Variants in PLCZ1 observed in about 807,000 individuals in gnomAD.
The protein encoded by PLCZ1 is 1-phosphatidylinositol 4,5-bisphosphate phosphodiesterase zeta-1.
In PLCZ1, 64 loss-of-function variants were observed where a neutral mutation model predicts 76.8. That is an observed-to-expected ratio of 0.83 (90% CI 0.68 to 1.03). The LOEUF (loss-of-function observed/expected upper bound fraction) is 1.03, where lower values mean the gene tolerates loss of function less well. Ranked by LOEUF, PLCZ1 falls within the 50% of genes least tolerant of loss-of-function variation. The pLI is 0.00. For synonymous variants in PLCZ1, 248 were observed against 230.8 expected (o/e 1.07, Z -0.68); for missense variants, 751 against 713.7 (o/e 1.05, Z -0.60).
chr12:18,693,695 CG>C (rs1954498383), intron 12 of PLCZ1: 2 of 1,565,380 alleles, frequency 1.3e-6, no homozygotes, highest in Admixed American at 3.3e-5. Context: ...AGAAATTCAG[CG>C]AACAACGTTG....
At chr12:18,700,690 ATCAAG>A (rs1955777479) in intron 9 of PLCZ1, among the ~76,000 whole-genome samples, 1 of 152,098 alleles carries the variant, frequency 6.6e-6, no homozygotes, top group Admixed American at 6.6e-5. Context: ...GAGACACTAT[ATCAAG>A]TCATTTTTTA....
intron 13 of PLCZ1, chr12:18,685,765 C>G (rs1953017702): frequency 2.5e-6 from 1 of 392,714 alleles, no homozygotes; most frequent in Middle Eastern, 3.8e-4. Context: ...TCTTCTTCCT[C>G]CAATCCTACT....
At chr12:18,664,464 A>G in the PLCZ1 span, among the ~76,000 whole-genome samples, 1 of 152,202 alleles carries the variant, frequency 6.6e-6, no homozygotes, top group East Asian at 1.9e-4. Flanking sequence ...TATGGCATAT[A>G]CTACAGCATG....
intron 13 of PLCZ1, among the ~76,000 whole-genome samples, chr12:18,684,549 A>G (rs1363128859): frequency 6.6e-6 from 1 of 152,060 alleles, no homozygotes; most frequent in Non-Finnish European, 1.5e-5. Context: ...AAACTGAGCC[A>G]CAAAGATGTT....
At chr12:18,659,858 G>T in the PLCZ1 span, among the ~76,000 whole-genome samples, 3 of 152,082 alleles carry the variant, frequency 2.0e-5, no homozygotes, top group South Asian at 6.2e-4. Context: ...AACTGAGACA[G>T]TTAACTGCTA....
chr12:18,659,544 G>A, the PLCZ1 span, among the ~76,000 whole-genome samples: 9 of 151,778 alleles, frequency 5.9e-5, no homozygotes, highest in African/African-American at 1.9e-4. Context: ...CTTCCTTCAA[G>A]TTTTATCAAT....
chr12:18,665,299 G>A, the PLCZ1 span, among the ~76,000 whole-genome samples: 2 of 152,186 alleles, frequency 1.3e-5, no homozygotes, highest in Middle Eastern at 6.8e-3. Flanking sequence ...GAGTTCTGGA[G>A]ATGGATATTA....
chr12:18,659,625 C>T, the PLCZ1 span, among the ~76,000 whole-genome samples: 2 of 150,876 alleles, frequency 1.3e-5, no homozygotes, highest in Non-Finnish European at 2.9e-5. Context: ...ACGTGTCAGG[C>T]CTCTTAAGTC....
At chr12:18,694,380 C>G (rs934037629) in intron 12 of PLCZ1, among the ~76,000 whole-genome samples, 4 of 152,068 alleles carry the variant, frequency 2.6e-5, no homozygotes, top group African/African-American at 9.7e-5. Context: ...AAAGTTGACA[C>G]AAATTAACAG....
chr12:18,733,775 T>C (rs945840285), intron 3 of PLCZ1, among the ~76,000 whole-genome samples: 1 of 152,146 alleles, frequency 6.6e-6, no homozygotes, highest in Non-Finnish European at 1.5e-5. Flanking sequence ...GTTGACTATA[T>C]ATGAAGGGGT....
chr12:18,715,363 TAATTA>T (rs1375835891), intron 5 of PLCZ1, among the ~76,000 whole-genome samples: 1 of 151,934 alleles, frequency 6.6e-6, no homozygotes, highest in Non-Finnish European at 1.5e-5. Context: ...TTATTAAGAA[TAATTA>T]AATTCTTAAT....
At chr12:18,655,697 C>G in the PLCZ1 span, among the ~76,000 whole-genome samples, 14 of 151,624 alleles carry the variant, frequency 9.2e-5, no homozygotes, top group South Asian at 2.9e-3. Flanking sequence ...ATGAAAGTGG[C>G]ACTTTACCTC....
At chr12:18,664,645 T>C in the PLCZ1 span, among the ~76,000 whole-genome samples, 53 of 152,018 alleles carry the variant, frequency 3.5e-4, no homozygotes, top group Middle Eastern at 3.4e-3. Context: ...GACCCAGCCA[T>C]CCCATTATTG....
At chr12:18,654,278 A>G in the PLCZ1 span, among the ~76,000 whole-genome samples, 2 of 131,310 alleles carry the variant, frequency 1.5e-5, no homozygotes, top group African/African-American at 6.0e-5. Flanking sequence ...CCATTTCCAA[A>G]AGAAACACTA....
intron 14 of PLCZ1, chr12:18,683,697 G>A: frequency 8.7e-7 from 1 of 1,148,396 alleles, no homozygotes; most frequent in Non-Finnish European, 1.2e-6. Context: ...CCCTGGAAAG[G>A]TGACTCTGCA....
chr12:18,733,664 A>C (rs530456157), intron 3 of PLCZ1, among the ~76,000 whole-genome samples: 12 of 152,272 alleles, frequency 7.9e-5, no homozygotes, highest in African/African-American at 2.6e-4. Flanking sequence ...GTTAGAGTCC[A>C]ATTTCATTTT....
At chr12:18,711,510 T>G (rs577087867) in intron 6 of PLCZ1, among the ~76,000 whole-genome samples, 2 of 145,104 alleles carry the variant, frequency 1.4e-5, no homozygotes, top group African/African-American at 5.2e-5. Flanking sequence ...ATTGTGCACA[T>G]GTACCCTAAA....
intron 3 of PLCZ1, among the ~76,000 whole-genome samples, chr12:18,729,115 G>A (rs1958909160): frequency 6.6e-6 from 1 of 151,876 alleles, no homozygotes; most frequent in African/African-American, 2.4e-5. Context: ...CCCCTTGCCT[G>A]CAAAAGGAAA....
chr12:18,705,815 G>A (rs1465676731), intron 6 of PLCZ1, among the ~76,000 whole-genome samples: 1 of 152,028 alleles, frequency 6.6e-6, no homozygotes, highest in Admixed American at 6.6e-5. Flanking sequence ...ACAACGAGCC[G>A]AGGTTGCGCC....
Sources: gnomAD v4.1 joint callset for allele counts (sites outside exome capture counted in the v4.1 genomes callset) on GRCh38, gnomAD v4.1.1 for gene constraint, MANE v1.5 for transcripts, NCBI Gene and HGNC (gene_info 2026-07-23, HGNC 2026-07-21) for gene names.